The following NKAIN3 variants were observed in gnomAD, a reference collection of about 807,000 sequenced individuals.
The protein encoded by NKAIN3 is sodium/potassium transporting ATPase interacting 3.
Under a neutral mutation model 30.2 loss-of-function variants are expected in NKAIN3, and 25 were observed. The ratio of observed to expected loss-of-function variants is 0.83; its 90% confidence interval spans 0.60 to 1.16. The LOEUF (loss-of-function observed/expected upper bound fraction) is 1.16. NKAIN3 is among the 50% of genes most tolerant of loss of function. The pLI is 0.00. For synonymous variants in NKAIN3, 91 were observed against 89.6 expected (o/e 1.02, Z -0.09); for missense variants, 225 against 254.1 (o/e 0.89, Z 0.78).
intron 3 of NKAIN3, among the ~76,000 whole-genome samples, chr8:62,675,293 T>C (rs1475902354): frequency 2.6e-5 from 4 of 152,238 alleles, no homozygotes; most frequent in Non-Finnish European, 5.9e-5. Flanking sequence ...ATCACTGATT[T>C]ATGCTCCTTT....
intron 1 of NKAIN3, among the ~76,000 whole-genome samples, chr8:62,291,432 G>A (rs951000557): frequency 8.5e-5 from 13 of 152,122 alleles, no homozygotes; most frequent in African/African-American, 2.4e-4. Context: ...TTTCTGGTAT[G>A]TTGTGTCTTT....
At chr8:62,271,197 A>C (rs919888078) in intron 1 of NKAIN3, among the ~76,000 whole-genome samples, 5 of 152,216 alleles carry the variant, frequency 3.3e-5, no homozygotes, top group African/African-American at 7.2e-5. Flanking sequence ...AGCATGGATG[A>C]AATTTACTGT....
intron 1 of NKAIN3, among the ~76,000 whole-genome samples, chr8:62,277,263 AT>A (rs1296392137): frequency 2.0e-5 from 3 of 152,066 alleles, no homozygotes; most frequent in Non-Finnish European, 4.4e-5. Flanking sequence ...TTCCTAGGGT[AT>A]TTTTTTGTAA....
intron 1 of NKAIN3, among the ~76,000 whole-genome samples, chr8:62,552,551 A>G (rs1305541990): frequency 6.6e-6 from 1 of 152,212 alleles, no homozygotes; most frequent in Non-Finnish European, 1.5e-5. Flanking sequence ...TACTGCATGG[A>G]ACAAATGAAA....
At chr8:62,885,787 T>C (rs1302638026) in intron 4 of NKAIN3, among the ~76,000 whole-genome samples, 1 of 152,224 alleles carries the variant, frequency 6.6e-6, no homozygotes, top group Non-Finnish European at 1.5e-5. Context: ...CTGTCAATAA[T>C]TATTATAGCT....
At chr8:62,544,789 C>T (rs1417363486) in intron 1 of NKAIN3, among the ~76,000 whole-genome samples, 2 of 152,128 alleles carry the variant, frequency 1.3e-5, no homozygotes, top group African/African-American at 4.8e-5. Context: ...TAACTTTTGA[C>T]TCTCCTAAAA....
intron 3 of NKAIN3, among the ~76,000 whole-genome samples, chr8:62,723,313 C>CA (rs1435067030): frequency 3.3e-5 from 5 of 151,968 alleles, no homozygotes; most frequent in Admixed American, 6.6e-5. Context: ...AAAACACACA[C>CA]ACAAAAAATT....
At chr8:62,512,489 A>C (rs1001275577) in intron 1 of NKAIN3, among the ~76,000 whole-genome samples, 3 of 152,156 alleles carry the variant, frequency 2.0e-5, no homozygotes, top group Non-Finnish European at 4.4e-5. Flanking sequence ...TTGATGTTCT[A>C]AGATGCCTCC....
At chr8:62,736,338 T>C (rs570462114) in intron 3 of NKAIN3, among the ~76,000 whole-genome samples, 3 of 152,260 alleles carry the variant, frequency 2.0e-5, no homozygotes, top group Non-Finnish European at 2.9e-5. Flanking sequence ...AAACTCTCCT[T>C]GGGCAAGTCT....
intron 1 of NKAIN3, among the ~76,000 whole-genome samples, chr8:62,469,243 G>A (rs1166704852): frequency 6.6e-6 from 1 of 151,982 alleles, no homozygotes; most frequent in African/African-American, 2.4e-5. Context: ...AATAATAATG[G>A]CAATACTAGA....
intron 1 of NKAIN3, among the ~76,000 whole-genome samples, chr8:62,452,446 G>A (rs891350837): frequency 2.0e-5 from 3 of 151,952 alleles, no homozygotes; most frequent in African/African-American, 7.3e-5. Flanking sequence ...ACTGCACTCC[G>A]GCCTGGGTGA....
chr8:62,437,143 G>C (rs185439638), intron 1 of NKAIN3, among the ~76,000 whole-genome samples: 62 of 130,744 alleles, frequency 4.7e-4, no homozygotes, highest in African/African-American at 1.4e-3. Flanking sequence ...CTTATGAACA[G>C]AGGTAGAATA....
At chr8:62,391,872 C>T (rs916230306) in intron 1 of NKAIN3, among the ~76,000 whole-genome samples, 1 of 151,158 alleles carries the variant, frequency 6.6e-6, no homozygotes. Flanking sequence ...ATATACAGAG[C>T]ATCAAAAATG....
chr8:62,812,284 T>C (rs950545606), intron 4 of NKAIN3, among the ~76,000 whole-genome samples: 2 of 151,886 alleles, frequency 1.3e-5, no homozygotes, highest in African/African-American at 4.8e-5. Flanking sequence ...TTCCACTTTA[T>C]TTTTTTGGAA....
chr8:62,595,383 T>TTC (rs1485460644), intron 3 of NKAIN3, among the ~76,000 whole-genome samples: 4 of 7,218 alleles, frequency 5.5e-4, no homozygotes, highest in African/African-American at 1.4e-3. Flanking sequence ...GGCTATTTTC[T>TTC]TTTTTTTTTT....
At chr8:62,460,411 CAAAA>C (rs34652304) in intron 1 of NKAIN3, among the ~76,000 whole-genome samples, 2 of 120,298 alleles carry the variant, frequency 1.7e-5, no homozygotes. Context: ...AATTCCATCT[CAAAA>C]AAAAAAAAAA....
intron 1 of NKAIN3, among the ~76,000 whole-genome samples, chr8:62,535,579 G>A (rs144208510): frequency 0.011 from 1,638 of 152,206 alleles, 13 homozygotes; most frequent in Non-Finnish European, 0.016. Flanking sequence ...ACAGAACTCA[G>A]GGAAACATTT....
At chr8:62,613,314 T>G (rs1811349128) in intron 3 of NKAIN3, among the ~76,000 whole-genome samples, 1 of 152,176 alleles carries the variant, frequency 6.6e-6, no homozygotes, top group African/African-American at 2.4e-5. Context: ...CAAAAGTTAT[T>G]TTCCTTCAGG....
chr8:62,789,064 G>A (rs1198289109), intron 4 of NKAIN3, among the ~76,000 whole-genome samples: 1 of 151,912 alleles, frequency 6.6e-6, no homozygotes, highest in Non-Finnish European at 1.5e-5. Flanking sequence ...TTCCAATTCT[G>A]TGAAGAAAGT....
Sources: allele counts gnomAD v4.1 joint callset (sites outside exome capture counted in the v4.1 genomes callset), GRCh38; gene constraint gnomAD v4.1.1; transcripts MANE v1.5; gene names NCBI Gene and HGNC (gene_info 2026-07-23, HGNC 2026-07-21).